The following SCAF11 variants were observed in gnomAD, a reference collection of about 807,000 sequenced individuals.
SCAF11 encodes SR-related CTD associated factor 11.
In SCAF11, 47 loss-of-function variants were observed where a neutral mutation model predicts 140.5. The observed-to-expected ratio is 0.33, with a 90% CI of 0.26 to 0.43. The LOEUF is 0.43. Ranked by LOEUF, SCAF11 falls within the 20% of genes least tolerant of loss-of-function variation. The probability of loss-of-function intolerance (pLI) is 1.00; values close to 1 mark genes in which losing one functional copy is unlikely to be tolerated. For missense variants in SCAF11, 1,645 were observed against 1,705.1 expected (o/e 0.96, Z 0.62); for synonymous variants, 557 against 579.4 (o/e 0.96, Z 0.55).
At chr12:45,936,183 C>A (rs1227435331) in intron 6 of SCAF11, among the ~76,000 whole-genome samples, 1 of 150,956 alleles carries the variant, frequency 6.6e-6, no homozygotes, top group Non-Finnish European at 1.5e-5. Flanking sequence ...GCTTTGTTGG[C>A]CAGGCTGGAG....
chr12:45,924,791 G>GGGT lies in SCAF11; in HGVS notation c.3840_3842dup (p.Pro1285dup). On this transcript the variant is annotated inframe_insertion, in exon 12 of 15. Transcript: ENST00000369367. ...TGACTTGTTGGGATGGTGGGGGAGG[G>GGGT]GGTGGTGGTGGTGGTAGTCCCTGAG... The GGGT allele has an allele frequency of 3.1e-6, 5 of 1,607,242 alleles. No individual in the cohort carries two copies. Among genetic ancestry groups the GGGT allele is most frequent in the Non-Finnish European group, 4.3e-6 (5 of 1,174,360 alleles).
In SCAF11 at chr12:45,961,728, C is replaced by A. The variant is rs1291828013; in HGVS notation, c.191G>T (p.Cys64Phe). 2 of 1,612,486 alleles carry A rather than the reference C, an allele frequency of 1.2e-6. No homozygotes were observed. The highest frequency in any genetic ancestry group is 1.7e-6 in the Non-Finnish European group (2 of 1,179,138). ...GFPESCNHVF[C>F]MTCILKWAET... ...TGCCCATTTAAGAATACAAGTCATA[C>A]AGAAGACATGATTACAGCTTTCTGG... The change falls in exon 3 of 15, where the codon TGT (cysteine) becomes TTT (phenylalanine). Residue 64 changes from cysteine to phenylalanine, a missense_variant. This residue lies in a region of SCAF11 where 1,582 missense variants were observed against 1,609.2 expected (regional missense o/e 0.98). Coordinates refer to ENST00000369367, the MANE Select transcript of SCAF11 (RefSeq NM_004719.3).
At chr12:45,985,690 C>T (rs1946445891) in intron 1 of SCAF11, among the ~76,000 whole-genome samples, 1 of 152,158 alleles carries the variant, frequency 6.6e-6, no homozygotes, top group Non-Finnish European at 1.5e-5. Context: ...GTGGCTGACA[C>T]ATAGTAAATA....
At chr12:45,986,415 T>C (rs899925664) in intron 1 of SCAF11, among the ~76,000 whole-genome samples, 1 of 152,062 alleles carries the variant, frequency 6.6e-6, no homozygotes, top group Non-Finnish European at 1.5e-5. Flanking sequence ...ACTGAGCCCA[T>C]CTCCACAATT....
chr12:45,939,252 TATA>T (rs1945240274), intron 6 of SCAF11, among the ~76,000 whole-genome samples: 1 of 152,104 alleles, frequency 6.6e-6, no homozygotes, highest in African/African-American at 2.4e-5. Flanking sequence ...ATTTATAGGC[TATA>T]ATAATCTCTA....
intron 6 of SCAF11, chr12:45,935,138 C>T (rs1486625977): frequency 6.6e-6 from 1 of 152,212 alleles, no homozygotes; most frequent in East Asian, 1.9e-4. Flanking sequence ...TTTTAATTTT[C>T]CCCCTTGCTT....
chr12:45,982,473 A>G (rs1210803007), intron 1 of SCAF11, among the ~76,000 whole-genome samples: 1 of 152,164 alleles, frequency 6.6e-6, no homozygotes, highest in Non-Finnish European at 1.5e-5. Flanking sequence ...TCAGGAGGCC[A>G]AGGCGGGCAG....
intron 6 of SCAF11, among the ~76,000 whole-genome samples, chr12:45,937,380 T>G (rs1313232872): frequency 6.6e-6 from 1 of 152,228 alleles, no homozygotes; most frequent in Non-Finnish European, 1.5e-5. Flanking sequence ...TTTGAGGATA[T>G]TAAGTTTTTT....
At chr12:45,932,129 T>C (rs1356772790) in intron 9 of SCAF11, among the ~76,000 whole-genome samples, 2 of 152,012 alleles carry the variant, frequency 1.3e-5, no homozygotes, top group East Asian at 3.9e-4. Flanking sequence ...TCACACTCCT[T>C]TGTATCCTTC....
intron 9 of SCAF11, among the ~76,000 whole-genome samples, chr12:45,932,600 ATCT>A (rs1418263622): frequency 6.6e-6 from 1 of 152,142 alleles, no homozygotes; most frequent in South Asian, 2.1e-4. Context: ...AGCGACCCTA[ATCT>A]TTACTTAGGA....
chr12:45,973,361 G>GA (rs1441089163), intron 1 of SCAF11, among the ~76,000 whole-genome samples: 2 of 151,014 alleles, frequency 1.3e-5, no homozygotes, highest in African/African-American at 4.9e-5. Flanking sequence ...GCAAGAAAAG[G>GA]AAAATCACTG....
At chr12:45,972,728 G>T (rs539680110) in intron 1 of SCAF11, among the ~76,000 whole-genome samples, 1 of 148,640 alleles carries the variant, frequency 6.7e-6, no homozygotes, top group Non-Finnish European at 1.5e-5. Context: ...CATAGAGAGA[G>T]GTGGGAAAAA....
At chr12:45,954,569 CT>C (rs36060348) in intron 3 of SCAF11, among the ~76,000 whole-genome samples, 3,156 of 129,094 alleles carry the variant, frequency 0.024, 42 homozygotes, top group South Asian at 0.053. Flanking sequence ...TAAGCTGTTA[CT>C]TTTTTTTTTT....
At chr12:45,950,451 T>C (rs994803319) in intron 4 of SCAF11, among the ~76,000 whole-genome samples, 39 of 152,192 alleles carry the variant, frequency 2.6e-4, no homozygotes, top group African/African-American at 9.2e-4. Flanking sequence ...ATCAAATAAA[T>C]TTTATTCTAA....
chr12:45,966,185 A>T (rs1353751396), intron 1 of SCAF11, among the ~76,000 whole-genome samples: 1 of 152,216 alleles, frequency 6.6e-6, no homozygotes, highest in East Asian at 1.9e-4. Flanking sequence ...TATCATATGC[A>T]GAAAGGTAAA....
intron 1 of SCAF11, among the ~76,000 whole-genome samples, chr12:45,980,545 T>C (rs1027984681): frequency 6.6e-6 from 1 of 152,276 alleles, no homozygotes; most frequent in Middle Eastern, 3.4e-3. Context: ...GAGCTGGGAC[T>C]GAAATTCAGA....
Position 45,964,122 on chromosome 12 carries a change from ACTT to A in SCAF11, c.43_45del (p.Lys15del), listed in dbSNP as rs1381110800. ...GAAAAGTTACCTTCCATGTCTTCATACTTCTTATCTCCCATATTTAGGGTACAT... is the reference window on the plus strand; with the variant it reads ...GAAAAGTTACCTTCCATGTCTTCATACTTATCTCCCATATTTAGGGTACAT... On this transcript the variant is annotated inframe_deletion, in exon 2 of 15. Transcript: ENST00000369367. 7.2e-6 allele frequency: 11 copies of A among 1,527,118 alleles called. No individual in the cohort carries two copies. Among genetic ancestry groups the A allele is most frequent in the Middle Eastern group, 1.7e-4 (1 of 5,854 alleles). 94.6% of individuals were successfully genotyped at this position (1,527,118 alleles called of 1,614,324 possible). A position where few individuals can be genotyped will look rare whatever the true frequency, so the allele number is the denominator to read the frequency against.
At chr12:45,933,491 T>C (rs575409322) in intron 8 of SCAF11, among the ~76,000 whole-genome samples, 29 of 152,246 alleles carry the variant, frequency 1.9e-4, no homozygotes, top group African/African-American at 5.5e-4. Context: ...AGTGACAGAA[T>C]TTTTTAAATA....
intron 6 of SCAF11, among the ~76,000 whole-genome samples, chr12:45,937,693 T>G (rs1945202442): frequency 6.6e-6 from 1 of 152,222 alleles, no homozygotes; most frequent in South Asian, 2.1e-4. Flanking sequence ...ATTTCCTACT[T>G]TGGAAAATTA....
Sources: gnomAD v4.1 joint callset for allele counts (sites outside exome capture counted in the v4.1 genomes callset) on GRCh38, gnomAD v4.1.1 for gene constraint, gnomAD v4.1.1 regional missense constraint, MANE v1.5 for transcripts, NCBI Gene and HGNC (gene_info 2026-07-23, HGNC 2026-07-21) for gene names.